RGS7: variants seen among roughly 807,000 people sequenced by gnomAD.
RGS7 encodes the protein regulator of G-protein signaling 7.
In RGS7, 27 loss-of-function variants were observed where a neutral mutation model predicts 81.1. That is an observed-to-expected ratio of 0.33 (90% CI 0.25 to 0.46). The LOEUF (loss-of-function observed/expected upper bound fraction) is 0.46. Among genes scored for constraint, RGS7 ranks in the 20% least tolerant of loss-of-function variants. The pLI, the probability that RGS7 is intolerant of heterozygous loss-of-function variation, is 1.00. For synonymous variants in RGS7, 208 were observed against 207.7 expected, an observed-to-expected ratio of 1.00 and a Z score of -0.01; for missense variants, 396 against 607.4, an observed-to-expected ratio of 0.65 and a Z score of 3.66.
chr1:240,916,434 A>G (rs1017558357), intron 6 of RGS7, among the ~76,000 whole-genome samples: 1 of 152,206 alleles, frequency 6.6e-6, no homozygotes, highest in African/African-American at 2.4e-5. Flanking sequence ...ATAATAACTG[A>G]GATTTTCCCC....
At chr1:241,107,962 T>C (rs2065232119) in intron 2 of RGS7, among the ~76,000 whole-genome samples, 1 of 151,786 alleles carries the variant, frequency 6.6e-6, no homozygotes, top group Non-Finnish European at 1.5e-5. Flanking sequence ...AGAAAAGCAG[T>C]CTCAAAAAAA....
chr1:241,169,846 G>A (rs1170969091), intron 2 of RGS7, among the ~76,000 whole-genome samples: 1 of 152,110 alleles, frequency 6.6e-6, no homozygotes, highest in Non-Finnish European at 1.5e-5. Flanking sequence ...ATGTTCGTAT[G>A]CGTGTGTGAG....
At chr1:240,804,112 C>T (rs1252985590) in intron 15 of RGS7, among the ~76,000 whole-genome samples, 1 of 152,160 alleles carries the variant, frequency 6.6e-6, no homozygotes, top group Non-Finnish European at 1.5e-5. Flanking sequence ...TGCTCAAGAA[C>T]TACCACTTAC....
intron 18 of RGS7, among the ~76,000 whole-genome samples, chr1:240,786,184 A>G (rs1333192993): frequency 6.6e-6 from 1 of 152,206 alleles, no homozygotes; most frequent in Non-Finnish European, 1.5e-5. Context: ...AATGAAGAAA[A>G]CATAGAAAAA....
chr1:240,889,805 G>T (rs1209861075), intron 6 of RGS7, among the ~76,000 whole-genome samples: 1 of 152,078 alleles, frequency 6.6e-6, no homozygotes, highest in African/African-American at 2.4e-5. Flanking sequence ...TACCAGCACA[G>T]AACATCCCTG....
intron 2 of RGS7, among the ~76,000 whole-genome samples, chr1:241,341,177 C>T (rs928643607): frequency 1.2e-4 from 18 of 152,126 alleles, no homozygotes; most frequent in African/African-American, 4.1e-4. Flanking sequence ...TGAATTTGAT[C>T]CTTACAACAC....
At chr1:241,289,040 C>T (rs146051995) in intron 2 of RGS7, among the ~76,000 whole-genome samples, 1 of 152,352 alleles carries the variant, frequency 6.6e-6, no homozygotes, top group African/African-American at 2.4e-5. Context: ...GTTACCACTA[C>T]TGCTGTTTTG....
intron 3 of RGS7, among the ~76,000 whole-genome samples, chr1:241,058,544 G>A (rs555185828): frequency 1.9e-4 from 29 of 152,204 alleles, no homozygotes; most frequent in East Asian, 5.8e-4. Flanking sequence ...CTGAAAACCC[G>A]TAAGGATTCA....
chr1:240,800,862 C>A, intron 17 of RGS7, 141 bp from the exon 18 acceptor site: 1 of 434,146 alleles, frequency 2.3e-6, no homozygotes, highest in Non-Finnish European at 4.1e-6. Context: ...ACTAAGAAAA[C>A]ACTGGTAGGA....
At chr1:241,139,817 CATTT>C (rs1265143028) in intron 2 of RGS7, among the ~76,000 whole-genome samples, 1 of 152,234 alleles carries the variant, frequency 6.6e-6, no homozygotes, top group Non-Finnish European at 1.5e-5. Context: ...AAAATACATT[CATTT>C]GACTATTCGC....
intron 6 of RGS7, among the ~76,000 whole-genome samples, chr1:240,898,593 T>C (rs1161843948): frequency 6.6e-6 from 1 of 152,230 alleles, no homozygotes; most frequent in Non-Finnish European, 1.5e-5. Flanking sequence ...TTGAGCGCTT[T>C]TGAGTGAGTT....
At chr1:241,294,692 A>G (rs1043533905) in intron 2 of RGS7, among the ~76,000 whole-genome samples, 1 of 152,124 alleles carries the variant, frequency 6.6e-6, no homozygotes, top group Non-Finnish European at 1.5e-5. Context: ...ATATGGGTGT[A>G]CCATTTTTTT....
intron 4 of RGS7, among the ~76,000 whole-genome samples, chr1:240,966,310 C>G (rs1238601508): frequency 6.6e-6 from 1 of 152,032 alleles, no homozygotes; most frequent in African/African-American, 2.4e-5. Context: ...AAAAAAAAAT[C>G]AAAGTATAAC....
intron 2 of RGS7, among the ~76,000 whole-genome samples, chr1:241,306,303 GTACA>G (rs1039914958): frequency 1.5e-5 from 2 of 136,666 alleles, no homozygotes; most frequent in Admixed American, 7.3e-5. Flanking sequence ...ACCCTCACAT[GTACA>G]TATATACCCA....
At chr1:240,809,849 A>C (rs1441462171) in intron 14 of RGS7, among the ~76,000 whole-genome samples, 1 of 152,176 alleles carries the variant, frequency 6.6e-6, no homozygotes, top group East Asian at 1.9e-4. Flanking sequence ...ATACTCAAGA[A>C]ATATATGTAT....
chr1:241,097,610 C>T (rs974358264), intron 3 of RGS7, among the ~76,000 whole-genome samples: 12 of 152,222 alleles, frequency 7.9e-5, no homozygotes, highest in African/African-American at 2.6e-4. Flanking sequence ...CACTCAGCAT[C>T]AGCCGCCTTC....
intron 2 of RGS7, among the ~76,000 whole-genome samples, chr1:241,262,582 T>C (rs771844008): frequency 6.6e-6 from 1 of 152,186 alleles, no homozygotes; most frequent in Non-Finnish European, 1.5e-5. Flanking sequence ...TCTGCATCAA[T>C]AGTTCAGAAT....
At chr1:241,304,081 G>A (rs1173461466) in intron 2 of RGS7, among the ~76,000 whole-genome samples, 2 of 151,998 alleles carry the variant, frequency 1.3e-5, no homozygotes, top group East Asian at 1.9e-4. Context: ...TCAATCATTT[G>A]GCTAATTTAC....
chr1:241,061,277 C>A (rs918559791), intron 3 of RGS7, among the ~76,000 whole-genome samples: 1 of 152,148 alleles, frequency 6.6e-6, no homozygotes, highest in Admixed American at 6.5e-5. Context: ...AATAAACATG[C>A]GTTTGAGTCA....
Sources: gnomAD v4.1 joint callset for allele counts (sites outside exome capture counted in the v4.1 genomes callset) on GRCh38, gnomAD v4.1.1 for gene constraint, MANE v1.5 for transcripts, NCBI Gene and HGNC (gene_info 2026-07-23, HGNC 2026-07-21) for gene names.